ASXL2: variants seen among roughly 807,000 people sequenced by gnomAD.
ASXL2 encodes putative Polycomb group protein ASXL2.
A neutral mutation model predicts 122.0 loss-of-function variants in ASXL2; 23 were observed. That is an observed-to-expected ratio of 0.19 (90% CI 0.14 to 0.27). The LOEUF (loss-of-function observed/expected upper bound fraction) is 0.27. Among genes scored for constraint, ASXL2 ranks in the 10% least tolerant of loss-of-function variants. The pLI is 1.00. For missense variants in ASXL2, 1,518 were observed against 1,713.8 expected (o/e 0.89, Z 2.02); for synonymous variants, 650 against 637.0 (o/e 1.02, Z -0.31).
intron 2 of ASXL2, among the ~76,000 whole-genome samples, chr2:25,842,047 G>A (rs754935310): frequency 1.8e-4 from 27 of 151,722 alleles, no homozygotes; most frequent in Non-Finnish European, 3.4e-4. Context: ...GGGAGAAAGA[G>A]GTTGCAATGA....
chr2:25,813,967 G>A (rs1326633240), intron 3 of ASXL2, among the ~76,000 whole-genome samples: 1 of 152,074 alleles, frequency 6.6e-6, no homozygotes, highest in Non-Finnish European at 1.5e-5. Context: ...GGAGAATGGC[G>A]TGAACCCAGG....
chr2:25,756,981 C>T (rs906109539), intron 9 of ASXL2, among the ~76,000 whole-genome samples: 5 of 152,194 alleles, frequency 3.3e-5, no homozygotes, highest in Admixed American at 2.6e-4. Context: ...ATAAGCCAAT[C>T]TATTCTGCAG....
chr2:25,763,351 G>A (rs887219332), intron 8 of ASXL2, among the ~76,000 whole-genome samples: 9 of 151,814 alleles, frequency 5.9e-5, no homozygotes, highest in Middle Eastern at 3.4e-3. Flanking sequence ...TTAGCCAGGA[G>A]TGGTGACGTG....
At chr2:25,809,696 C>T (rs1053928945) in intron 3 of ASXL2, among the ~76,000 whole-genome samples, 3 of 152,174 alleles carry the variant, frequency 2.0e-5, no homozygotes, top group African/African-American at 7.2e-5. Flanking sequence ...AGGCATTATG[C>T]ATTGTGTTCA....
At position 25,738,820 on chromosome 2, in the gene ASXL2, C is replaced by CT. The variant is rs1280394939; in HGVS notation, c.*3208_*3209insA. 1 of 152,124 alleles carries CT rather than the reference C, an allele frequency of 6.6e-6. No individual in the cohort carries two copies. The highest frequency in any genetic ancestry group is 1.5e-5 in the Non-Finnish European group (1 of 68,010). The allele number at this position is 152,124 out of a possible 1,614,324, so 9.4% of individuals were successfully genotyped here. On this transcript the variant is annotated 3_prime_UTR_variant, in exon 13 of 13. Transcript: ENST00000435504. Reference sequence around the variant, plus strand: ...TGTACATCCGTATGCCTTCACAGCCCAATAAGTATGCTCTCTCCACCCCAA... The same window carrying CT: ...TGTACATCCGTATGCCTTCACAGCCCTAATAAGTATGCTCTCTCCACCCCAA...
rs1461637246 is a variant in ASXL2 at position 25,754,051 on chromosome 2, G to A, written c.1037-412C>T. On this transcript the variant is annotated intron_variant, in intron 10 of 12. Transcript: ENST00000435504. ...CTATTTTAAAGATCAGTTTCTCCAA[G>A]GCAAGTTAATTTTAGGCTTTTTACC... Among the ~76,000 whole-genome samples the A allele has an allele frequency of 2.0e-5, 3 of 152,102 alleles. No homozygotes were observed. In the East Asian group the frequency reaches 5.8e-4, roughly 29 times the overall value.
In ASXL2 at chr2:25,742,613, T is replaced by C. The variant is rs12990978; in HGVS notation, c.3724A>G (p.Thr1242Ala). 3.1e-6 allele frequency: 5 copies of C among 1,613,860 alleles called. No individual in the cohort carries two copies. The African/African-American group carries it at 4.0e-5, about 13-fold the overall frequency. Reference sequence around the variant, plus strand: ...AACAGGTAATTCTCCTTACTTAAAGTGGTTTGCTCATTCAATGGTATCTCA... The same window carrying C: ...AACAGGTAATTCTCCTTACTTAAAGCGGTTTGCTCATTCAATGGTATCTCA... Reference protein sequence around the residue: ...KAEIPLNEQTTLSKENYLFTR... With the variant: ...KAEIPLNEQTALSKENYLFTR... Residue 1242 changes from threonine to alanine, a missense_variant, in exon 13 of 13, where the codon ACT becomes GCT. Physicochemically the swap from Thr to Ala is moderately conservative, Grantham distance 58. This residue lies in a region of ASXL2 where 831 missense variants were observed against 833.1 expected (regional missense o/e 1.00). Transcript: ENST00000435504.
Position 25,749,979 on chromosome 2 carries a change from C to G in ASXL2, c.1577G>C (p.Ser526Thr), listed in dbSNP as rs1185846219. Residue 526 changes from serine to threonine, a missense_variant, in exon 12 of 13, where the codon AGC (serine) becomes ACC (threonine). Transcript: ENST00000435504. ...ESQESLVTSP[S>T]KPKSPGVEKP... ...TTCAACCCCAGGACTCTTGGGTTTGCTTGGCGATGTAACTAAAGATTCTTG... is the reference window on the plus strand; with the variant it reads ...TTCAACCCCAGGACTCTTGGGTTTGGTTGGCGATGTAACTAAAGATTCTTG... The G allele has an allele frequency of 2.5e-6, 4 of 1,613,972 alleles. No homozygotes were observed. The South Asian group carries it at 4.4e-5, about 18-fold the overall frequency.
intron 3 of ASXL2, among the ~76,000 whole-genome samples, chr2:25,829,446 A>G (rs2089422695): frequency 6.6e-6 from 1 of 152,234 alleles, no homozygotes; most frequent in African/African-American, 2.4e-5. Context: ...GATTCAATTA[A>G]GTAAACCAAA....
chr2:25,799,015 G>T (rs1355245682), intron 5 of ASXL2, among the ~76,000 whole-genome samples: 1 of 152,190 alleles, frequency 6.6e-6, no homozygotes, highest in Non-Finnish European at 1.5e-5. Flanking sequence ...GGTGGAGAAT[G>T]TGGCTAGTGG....
chr2:25,778,216 C>T (rs2088578708), intron 5 of ASXL2, among the ~76,000 whole-genome samples: 1 of 152,154 alleles, frequency 6.6e-6, no homozygotes, highest in South Asian at 2.1e-4. Flanking sequence ...AGTTAAGGAT[C>T]TTCAGACAAG....
chr2:25,798,588 A>AC (rs2088946301), intron 5 of ASXL2, among the ~76,000 whole-genome samples: 1 of 152,142 alleles, frequency 6.6e-6, no homozygotes, highest in Admixed American at 6.5e-5. Context: ...ACATGGTGAA[A>AC]CCCCATCTCT....
At chr2:25,774,223 T>C (rs909138156) in intron 5 of ASXL2, among the ~76,000 whole-genome samples, 1 of 152,032 alleles carries the variant, frequency 6.6e-6, no homozygotes, top group Non-Finnish European at 1.5e-5. Context: ...AATTTACTTA[T>C]ACAAACAACC....
At chr2:25,878,101 T>C (rs2090025127) in intron 1 of ASXL2, 65 bp downstream of exon 1, 1 of 1,597,828 alleles carries the variant, frequency 6.3e-7, no homozygotes, top group Non-Finnish European at 8.6e-7. Flanking sequence ...TCCCTTTCCC[T>C]GCGACTGGCG....
intron 1 of ASXL2, among the ~76,000 whole-genome samples, chr2:25,872,649 ATAAC>A (rs2089970967): frequency 6.6e-6 from 1 of 152,220 alleles, no homozygotes; most frequent in African/African-American, 2.4e-5. Flanking sequence ...TAAGGGAGAA[ATAAC>A]TATAGAGAGG....
chr2:25,825,555 T>C (rs1016457139), intron 3 of ASXL2, among the ~76,000 whole-genome samples: 1 of 152,220 alleles, frequency 6.6e-6, no homozygotes, highest in Non-Finnish European at 1.5e-5. Context: ...TTATTTTTTG[T>C]CTGGCTTATT....
intron 9 of ASXL2, among the ~76,000 whole-genome samples, chr2:25,757,756 T>C (rs2088162878): frequency 7.0e-6 from 1 of 143,096 alleles, no homozygotes; most frequent in African/African-American, 2.6e-5. Context: ...ACCTCTAAGA[T>C]CCCTTTTAAT....
intron 3 of ASXL2, among the ~76,000 whole-genome samples, chr2:25,831,441 G>A (rs1233084922): frequency 2.0e-5 from 3 of 152,164 alleles, no homozygotes; most frequent in Non-Finnish European, 4.4e-5. Flanking sequence ...CAGGCAAACT[G>A]TTTGAGCTCA....
chr2:25,840,024 C>A (rs1338148709), intron 2 of ASXL2, among the ~76,000 whole-genome samples: 26 of 151,704 alleles, frequency 1.7e-4, no homozygotes, highest in Non-Finnish European at 1.5e-4. Context: ...AGCCACCATG[C>A]CCAGCTTAAA....
Sources: gnomAD v4.1 joint callset for allele counts (sites outside exome capture counted in the v4.1 genomes callset) on GRCh38, gnomAD v4.1.1 for gene constraint, gnomAD v4.1.1 regional missense constraint, MANE v1.5 for transcripts, NCBI Gene and HGNC (gene_info 2026-07-23, HGNC 2026-07-21) for gene names.